RBMS3: variants seen among roughly 807,000 people sequenced by gnomAD.
The protein encoded by RBMS3 is RNA binding motif single stranded interacting protein 3, also known as RNA-binding motif, single-stranded-interacting protein 3.
RBMS3 carries 27 observed loss-of-function variants against 66.8 expected under a neutral mutation model. The observed-to-expected ratio is 0.40, with a 90% CI of 0.30 to 0.56. RBMS3 has a LOEUF of 0.56. Among genes scored for constraint, RBMS3 ranks in the 20% least tolerant of loss-of-function variants. RBMS3 has a pLI of 0.40. For synonymous variants in RBMS3, 188 were observed against 183.0 expected (o/e 1.03, Z -0.22); for missense variants, 513 against 549.5 (o/e 0.93, Z 0.66).
intron 1 of RBMS3, among the ~76,000 whole-genome samples, chr3:29,425,774 A>G (rs750542022): frequency 2.6e-5 from 4 of 152,248 alleles, no homozygotes; most frequent in Non-Finnish European, 5.9e-5. Context: ...AGACCTCTTT[A>G]TCTCTGATTG....
At chr3:29,980,574 T>C (rs1697917393) in intron 12 of RBMS3, among the ~76,000 whole-genome samples, 1 of 152,222 alleles carries the variant, frequency 6.6e-6, no homozygotes, top group African/African-American at 2.4e-5. Context: ...ATGTCTTACA[T>C]TTAAGTCTTT....
At chr3:29,880,247 A>G (rs2059705078) in intron 7 of RBMS3, among the ~76,000 whole-genome samples, 1 of 152,186 alleles carries the variant, frequency 6.6e-6, no homozygotes, top group Non-Finnish European at 1.5e-5. Context: ...TTTATTTTAA[A>G]TAAACTATGA....
chr3:29,887,902 A>G lies in RBMS3; in HGVS notation c.791+3694A>G, dbSNP rs542447475. Reference sequence around the variant, plus strand: ...CTTAATTGTTACAAATCGACATAGAAAATAAATCGAGGTTTCAACTGCTAA... The same window carrying G: ...CTTAATTGTTACAAATCGACATAGAGAATAAATCGAGGTTTCAACTGCTAA... On this transcript the variant is annotated intron_variant, in intron 8 of 14. Coordinates refer to ENST00000383767, the MANE Select transcript of RBMS3 (RefSeq NM_001003793.3). Among the ~76,000 whole-genome samples the G allele has an allele frequency of 2.0e-5, 3 of 151,912 alleles. No individual in the cohort carries two copies. In the South Asian group the frequency reaches 6.2e-4, roughly 32 times the overall value.
chr3:29,281,827 G>C lies in RBMS3; in HGVS notation c.75+71G>C, dbSNP rs144859806. 475 of 1,337,128 alleles carry C rather than the reference G, an allele frequency of 3.6e-4. 5 individuals are homozygous for C. The East Asian group carries it at 0.01, about 29-fold the overall frequency. The allele number at this position is 1,337,128 out of a possible 1,614,324, so 82.8% of individuals were successfully genotyped here. A position where few individuals can be genotyped will look rare whatever the true frequency, so the allele number is the denominator to read the frequency against. ...CACTTGGGATGGGAAACAGACAGGC[G>C]TGTGAATTATTAGTTAACCCCCACC... is the stretch of plus-strand genomic sequence containing the variant. On this transcript the variant is annotated intron_variant, in intron 1 of 14. Coordinates refer to ENST00000383767, the MANE Select transcript of RBMS3 (RefSeq NM_001003793.3).
At chr3:29,919,336 G>T (rs551782800) in intron 10 of RBMS3, among the ~76,000 whole-genome samples, 74 of 152,178 alleles carry the variant, frequency 4.9e-4, no homozygotes, top group African/African-American at 1.7e-3. Context: ...AGTCAGAGAT[G>T]GACAGGTAAA....
intron 12 of RBMS3, among the ~76,000 whole-genome samples, chr3:29,985,436 A>T (rs1239512154): frequency 6.6e-6 from 1 of 152,050 alleles, no homozygotes; most frequent in African/African-American, 2.4e-5. Flanking sequence ...CAGCCCAAAT[A>T]GCTGCCCGGT....
At chr3:29,334,305 A>G (rs1033126425) in intron 1 of RBMS3, among the ~76,000 whole-genome samples, 2 of 152,182 alleles carry the variant, frequency 1.3e-5, no homozygotes, top group African/African-American at 4.8e-5. Flanking sequence ...GAGAGTTAAG[A>G]TGTCTTTACA....
intron 1 of RBMS3, among the ~76,000 whole-genome samples, chr3:29,373,964 G>T (rs1559527916): frequency 6.6e-6 from 1 of 152,170 alleles, no homozygotes; most frequent in Non-Finnish European, 1.5e-5. Context: ...GTGGATGGGT[G>T]GTCAGCATTA....
chr3:29,957,971 G>A (rs1696158498), intron 12 of RBMS3, among the ~76,000 whole-genome samples: 1 of 152,132 alleles, frequency 6.6e-6, no homozygotes, highest in Non-Finnish European at 1.5e-5. Flanking sequence ...ATCAGAGCAA[G>A]TAATGTCTTT....
intron 6 of RBMS3, among the ~76,000 whole-genome samples, chr3:29,798,114 A>G (rs1168813363): frequency 2.0e-5 from 3 of 151,798 alleles, no homozygotes; most frequent in Admixed American, 1.3e-4. Flanking sequence ...GGTGCTGTTC[A>G]TGGTGCCACA....
intron 6 of RBMS3, among the ~76,000 whole-genome samples, chr3:29,768,401 G>A (rs955427058): frequency 2.0e-5 from 3 of 151,878 alleles, no homozygotes; most frequent in Non-Finnish European, 2.9e-5. Flanking sequence ...ACAGAGAGAA[G>A]AGGTGATTAA....
chr3:29,673,605 A>G (rs1390810495), intron 4 of RBMS3, among the ~76,000 whole-genome samples: 3 of 152,184 alleles, frequency 2.0e-5, no homozygotes, highest in African/African-American at 7.2e-5. Context: ...ACAAACTACC[A>G]TCAGAGAATA....
At chr3:29,446,059 T>G (rs1216691041) in intron 2 of RBMS3, among the ~76,000 whole-genome samples, 1 of 152,142 alleles carries the variant, frequency 6.6e-6, no homozygotes, top group Admixed American at 6.6e-5. Flanking sequence ...TTTTTTAAAA[T>G]ATAATCATAT....
At chr3:29,404,400 A>G (rs961029123) in intron 1 of RBMS3, among the ~76,000 whole-genome samples, 2 of 152,058 alleles carry the variant, frequency 1.3e-5, no homozygotes, top group Admixed American at 6.6e-5. Context: ...TTGTATTTTG[A>G]TGCTATTTTC....
At chr3:29,437,168 C>T (rs2041432829) in intron 2 of RBMS3, among the ~76,000 whole-genome samples, 1 of 152,198 alleles carries the variant, frequency 6.6e-6, no homozygotes, top group Non-Finnish European at 1.5e-5. Flanking sequence ...GACTTGGTAG[C>T]ATGAAATTGG....
At chr3:29,334,305 A>T (rs1033126425) in intron 1 of RBMS3, among the ~76,000 whole-genome samples, 2 of 152,300 alleles carry the variant, frequency 1.3e-5, no homozygotes, top group African/African-American at 4.8e-5. Context: ...GAGAGTTAAG[A>T]TGTCTTTACA....
intron 4 of RBMS3, among the ~76,000 whole-genome samples, chr3:29,672,983 C>T (rs1045285082): frequency 2.0e-5 from 3 of 151,832 alleles, no homozygotes; most frequent in Admixed American, 2.0e-4. Flanking sequence ...ATACATTCTT[C>T]TCAGCACCAC....
chr3:29,607,300 A>T (rs2048347360), intron 4 of RBMS3, among the ~76,000 whole-genome samples: 1 of 151,990 alleles, frequency 6.6e-6, no homozygotes, highest in South Asian at 2.1e-4. Flanking sequence ...TATAAACAAC[A>T]GAAATTTATT....
At chr3:29,712,798 T>C (rs1027324686) in intron 4 of RBMS3, among the ~76,000 whole-genome samples, 9 of 152,136 alleles carry the variant, frequency 5.9e-5, no homozygotes, top group Admixed American at 5.9e-4. Context: ...AGGTTCAAAC[T>C]TCAGACTCTG....
Sources: allele counts gnomAD v4.1 joint callset (sites outside exome capture counted in the v4.1 genomes callset), GRCh38; gene constraint gnomAD v4.1.1; transcripts MANE v1.5; gene names NCBI Gene and HGNC (gene_info 2026-07-23, HGNC 2026-07-21).